ARMC2: variants seen among roughly 807,000 people sequenced by gnomAD.
ARMC2 encodes armadillo repeat-containing protein 2.
A neutral mutation model predicts 90.3 loss-of-function variants in ARMC2; 67 were observed. The observed-to-expected ratio is 0.74, with a 90% CI of 0.61 to 0.91. The LOEUF (loss-of-function observed/expected upper bound fraction) is 0.91, where lower values mean the gene tolerates loss of function less well. ARMC2 is among the 40% of genes least tolerant of loss of function. The probability of loss-of-function intolerance (pLI) is 0.00; values close to 1 mark genes in which losing one functional copy is unlikely to be tolerated. For missense variants in ARMC2, 920 were observed against 1,030.9 expected (o/e 0.89, Z 1.47); for synonymous variants, 393 against 393.0 (o/e 1.00, Z 0.00).
intron 8 of ARMC2, chr6:108,907,587 G>A: frequency 6.5e-7 from 1 of 1,533,848 alleles, no homozygotes; most frequent in South Asian, 1.1e-5. Context: ...CGTGGGGTGG[G>A]GGGGTGCAGA....
At chr6:108,861,576 C>T (rs1775247671) in intron 3 of ARMC2, among the ~76,000 whole-genome samples, 1 of 152,198 alleles carries the variant, frequency 6.6e-6, no homozygotes, top group Non-Finnish European at 1.5e-5. Flanking sequence ...GAAGATTATA[C>T]TTGTTCATGT....
At chr6:108,868,709 T>C (rs541005553) in intron 3 of ARMC2, 115 bp from the exon 4 acceptor site, 4 of 892,782 alleles carry the variant, frequency 4.5e-6, no homozygotes, top group Non-Finnish European at 6.8e-6. Context: ...GAAGCCAAGA[T>C]GAAGGCAGGC....
rs150027076 is a variant in ARMC2, at chr6:108,919,216, C to T, written c.1350+6658C>T. Among the ~76,000 whole-genome samples, 245 of 152,200 alleles carry T rather than the reference C, an allele frequency of 1.6e-3. 1 individual carries two copies. The highest frequency in any genetic ancestry group is 5.7e-3 in the African/African-American group (235 of 41,528). ...GTAATGAAGGTTGTACCAGGCTGGC[C>T]GGGGTCTTTTAACTCTTGCTTTAGT... On this transcript the variant is annotated intron_variant, in intron 10 of 17. Coordinates refer to ENST00000392644, the MANE Select transcript of ARMC2 (RefSeq NM_032131.6).
the ARMC2 span, among the ~76,000 whole-genome samples, chr6:109,024,403 A>C: frequency 6.6e-6 from 1 of 152,226 alleles, no homozygotes; most frequent in Non-Finnish European, 1.5e-5. Context: ...TGGATAGCAC[A>C]GTAGCAGGAA....
intron 7 of ARMC2, among the ~76,000 whole-genome samples, chr6:108,903,128 A>G (rs1772317296): frequency 6.6e-6 from 1 of 152,142 alleles, no homozygotes; most frequent in Admixed American, 6.5e-5. Context: ...AGAATGTACC[A>G]CTACACTCCG....
At chr6:108,904,590 G>C (rs559388102) in intron 8 of ARMC2, among the ~76,000 whole-genome samples, 185 bp downstream of exon 8, 1 of 151,122 alleles carries the variant, frequency 6.6e-6, no homozygotes, top group East Asian at 1.9e-4. Flanking sequence ...AGGAACTAAG[G>C]CTGAGTACAT....
chr6:108,955,286 A>G (rs185766773), intron 13 of ARMC2, among the ~76,000 whole-genome samples: 85 of 152,290 alleles, frequency 5.6e-4, no homozygotes, highest in Admixed American at 2.1e-3. Flanking sequence ...CAAGAACCCC[A>G]GTTTCTGAGA....
chr6:109,037,359 T>C, the ARMC2 span, among the ~76,000 whole-genome samples: 82 of 152,330 alleles, frequency 5.4e-4, no homozygotes, highest in East Asian at 0.015. Context: ...CTAGGAAACA[T>C]TATTAGGCCG....
At chr6:108,942,050 A>G (rs1007467087) in intron 12 of ARMC2, among the ~76,000 whole-genome samples, 3 of 152,222 alleles carry the variant, frequency 2.0e-5, no homozygotes, top group Non-Finnish European at 2.9e-5. Context: ...ATAAGTCTTC[A>G]TAAACATTTC....
chr6:108,913,715 C>T (rs549219085), intron 10 of ARMC2, among the ~76,000 whole-genome samples: 132 of 152,268 alleles, frequency 8.7e-4, no homozygotes, highest in Non-Finnish European at 1.7e-3. Flanking sequence ...ATAGAATTCT[C>T]ACTTTTTAAA....
intron 10 of ARMC2, among the ~76,000 whole-genome samples, chr6:108,927,695 A>G (rs941935584): frequency 3.6e-5 from 5 of 139,482 alleles, no homozygotes; most frequent in African/African-American, 1.3e-4. Flanking sequence ...ATCAGACAAG[A>G]ATACCTATAA....
chr6:108,908,807 C>T (rs1773085672), intron 8 of ARMC2, among the ~76,000 whole-genome samples: 1 of 152,114 alleles, frequency 6.6e-6, no homozygotes, highest in African/African-American at 2.4e-5. Flanking sequence ...TGGTGGCTCA[C>T]ACCTGTAGTC....
intron 8 of ARMC2, among the ~76,000 whole-genome samples, chr6:108,905,419 G>A (rs1009342323): frequency 2.0e-5 from 3 of 151,976 alleles, no homozygotes; most frequent in African/African-American, 4.8e-5. Flanking sequence ...CTTTGAAATA[G>A]TGATATCACT....
rs755519656 is a variant in ARMC2 at position 108,953,046 on chromosome 6, G to A, written c.1610G>A (p.Arg537His). Residue 537 changes from arginine (R) to histidine (H), a missense_variant, in exon 13 of 18, where the codon CGT (arginine) becomes CAT (histidine). By Grantham distance (29) the Arg-to-His change is conservative (BLOSUM62 0). Coordinates refer to ENST00000392644, the MANE Select transcript of ARMC2 (RefSeq NM_032131.6). ...CGTTTATTGCAGGATTTAGTCGTCCGTGTTGTTTTTATTCTTGGCAACCTG... is the reference window on the plus strand; with the variant it reads ...CGTTTATTGCAGGATTTAGTCGTCCATGTTGTTTTTATTCTTGGCAACCTG... ...KYQKKQDLVV[R>H]VVFILGNLTA... The A allele has an allele frequency of 3.0e-5, 48 of 1,610,000 alleles. 1 individual carries two copies. Among genetic ancestry groups the A allele is most frequent in the East Asian group, 2.9e-4 (13 of 44,852 alleles).
Position 108,901,098 on chromosome 6 carries a change from ATTTTTTTTTTTTTTTTT to A in ARMC2, c.847+1327_847+1343del, listed in dbSNP as rs1173637475. Among the ~76,000 whole-genome samples, 213 of 59,368 alleles carry A rather than the reference ATTTTTTTTTTTTTTTTT, an allele frequency of 3.6e-3. 2 individuals are homozygous for A. Among genetic ancestry groups the A allele is most frequent in the African/African-American group, 0.012 (177 of 14,244 alleles). 38.9% of individuals were successfully genotyped at this position (59,368 alleles called of 152,430 possible). ...GAAGCCTTCCTACAGGAAAGAAGGA[ATTTTTTTTTTTTTTTTT>A]TTTTTTTTTTTTTTTTTTTTGAGAC... On this transcript the variant is annotated intron_variant, in intron 7 of 17. Coordinates refer to ENST00000392644, the MANE Select transcript of ARMC2 (RefSeq NM_032131.6).
At chr6:108,965,919 C>G (rs981574349) in intron 17 of ARMC2, among the ~76,000 whole-genome samples, 2 of 151,394 alleles carry the variant, frequency 1.3e-5, no homozygotes, top group Admixed American at 1.3e-4. Context: ...TCCCAAAGTG[C>G]TGGGATTACT....
rs527916200 is a variant in ARMC2 at position 108,932,291 on chromosome 6, C to T, written c.1496+4058C>T. ...CTTTTGTTGCATTTGCTTTTAGTGT[C>T]TTTGTCATGAAATCTTTGCCCGTTC... On this transcript the variant is annotated intron_variant, in intron 11 of 17. Transcript: ENST00000392644. Among the ~76,000 whole-genome samples, 20 of 151,818 alleles carry T rather than the reference C, an allele frequency of 1.3e-4. No individual in the cohort carries two copies. In the East Asian group the frequency reaches 3.9e-3, roughly 29 times the overall value.
the ARMC2 span, chr6:109,008,777 G>T: frequency 1.0e-6 from 1 of 985,350 alleles, no homozygotes; most frequent in Non-Finnish European, 1.2e-6. Context: ...TTCAGAAAAG[G>T]GATGGCTTAA....
the ARMC2 span, among the ~76,000 whole-genome samples, chr6:109,004,575 C>T: frequency 1.3e-5 from 2 of 151,826 alleles, no homozygotes; most frequent in African/African-American, 4.8e-5. Context: ...GGACCACAGG[C>T]GTGTGCCGCC....
Sources: gnomAD v4.1 joint callset for allele counts (sites outside exome capture counted in the v4.1 genomes callset) on GRCh38, gnomAD v4.1.1 for gene constraint, MANE v1.5 for transcripts, NCBI Gene and HGNC (gene_info 2026-07-23, HGNC 2026-07-21) for gene names.